Variants in PHF14 observed in about 807,000 individuals in gnomAD.
The protein encoded by PHF14 is PHD finger protein 14.
In PHF14, 55 loss-of-function variants were observed where a neutral mutation model predicts 117.9. The observed-to-expected ratio is 0.47, with a 90% CI of 0.38 to 0.58. PHF14 has a LOEUF of 0.58. Among genes scored for constraint, PHF14 ranks in the 20% least tolerant of loss-of-function variants. The pLI is 0.00. For missense variants in PHF14, 978 were observed against 1,122.2 expected, an observed-to-expected ratio of 0.87 and a Z score of 1.84; for synonymous variants, 409 against 368.6, an observed-to-expected ratio of 1.11 and a Z score of -1.26.
chr7:11,009,930 C>T (rs899984325), intron 4 of PHF14, among the ~76,000 whole-genome samples: 11 of 152,082 alleles, frequency 7.2e-5, no homozygotes, highest in African/African-American at 2.4e-4. Flanking sequence ...CAAATGTGCA[C>T]GTTTGCTATG....
intron 2 of PHF14, among the ~76,000 whole-genome samples, chr7:10,978,784 C>G (rs975033609): frequency 2.0e-5 from 3 of 152,106 alleles, no homozygotes. Context: ...ACTATTGTTT[C>G]CAGACATTGC....
At chr7:11,027,360 T>G (rs1233401445) in intron 6 of PHF14, among the ~76,000 whole-genome samples, 2 of 152,134 alleles carry the variant, frequency 1.3e-5, no homozygotes, top group African/African-American at 4.8e-5. Flanking sequence ...TTTTTAAGTT[T>G]TCCTTGTATT....
At chr7:11,031,145 A>G (rs1021183572) in intron 7 of PHF14, among the ~76,000 whole-genome samples, 1 of 152,144 alleles carries the variant, frequency 6.6e-6, no homozygotes, top group Non-Finnish European at 1.5e-5. Context: ...AAAAGACTAT[A>G]TCAAGTTGGA....
At chr7:11,148,635 T>A (rs569181949) in intron 17 of PHF14, among the ~76,000 whole-genome samples, 29 of 152,312 alleles carry the variant, frequency 1.9e-4, no homozygotes, top group African/African-American at 6.5e-4. Flanking sequence ...TTGAAGGCCA[T>A]GAGGACGATA....
chr7:11,024,303 A>T (rs915102049), intron 6 of PHF14, among the ~76,000 whole-genome samples: 4 of 152,226 alleles, frequency 2.6e-5, no homozygotes, highest in African/African-American at 9.6e-5. Context: ...TCTCCGTAAT[A>T]TAAAAGATGA....
At chr7:11,053,740 A>G (rs1784922538) in intron 14 of PHF14, among the ~76,000 whole-genome samples, 1 of 152,118 alleles carries the variant, frequency 6.6e-6, no homozygotes, top group Non-Finnish European at 1.5e-5. Context: ...ATTACTTGAG[A>G]TAAAAGAGAA....
intron 16 of PHF14, among the ~76,000 whole-genome samples, chr7:11,068,349 C>CAA (rs10659513): frequency 0.43 from 28,452 of 66,204 alleles, 6,002 homozygotes; most frequent in East Asian, 0.68. Context: ...GACTCCGTCT[C>CAA]AAAAAAAAAA....
At chr7:11,091,150 G>A (rs923979958) in intron 16 of PHF14, among the ~76,000 whole-genome samples, 6 of 152,162 alleles carry the variant, frequency 3.9e-5, no homozygotes, top group Non-Finnish European at 7.3e-5. Flanking sequence ...ACCAGTTTGA[G>A]GGCTGTGAAC....
chr7:11,055,936 ACTTATT>A (rs913941994), intron 14 of PHF14, among the ~76,000 whole-genome samples: 14 of 152,142 alleles, frequency 9.2e-5, no homozygotes, highest in East Asian at 7.7e-4. Context: ...TATTTATTTT[ACTTATT>A]CTTATACTAA....
intron 16 of PHF14, among the ~76,000 whole-genome samples, chr7:11,064,306 C>T (rs1048490991): frequency 3.3e-5 from 5 of 150,918 alleles, no homozygotes; most frequent in African/African-American, 4.9e-5. Flanking sequence ...TTGAAAATCA[C>T]CCCCCAAAAG....
rs141335312 is a variant in PHF14 at position 11,159,169 on chromosome 7, T to G, written c.2773-10247T>G. ...TAATATTATTTTCCTTAAGAAAATTTGTTACCTTTCATTTTTTGAATATCT... is the reference window on the plus strand; with the variant it reads ...TAATATTATTTTCCTTAAGAAAATTGGTTACCTTTCATTTTTTGAATATCT... On this transcript the variant is annotated intron_variant, in intron 17 of 17. Transcript: ENST00000634607. 2.9e-3 allele frequency among the ~76,000 whole-genome samples: 442 copies of G among 152,200 alleles called. 3 individuals are homozygous for G. The highest frequency in any genetic ancestry group is 0.01 in the African/African-American group (418 of 41,576).
At chr7:11,060,583 C>T (rs1457062044) in intron 14 of PHF14, among the ~76,000 whole-genome samples, 2 of 152,158 alleles carry the variant, frequency 1.3e-5, no homozygotes, top group Non-Finnish European at 2.9e-5. Context: ...GCCTGAGATT[C>T]TGCATTTCTA....
At chr7:11,000,920 C>T (rs923735461) in intron 4 of PHF14, among the ~76,000 whole-genome samples, 1 of 151,986 alleles carries the variant, frequency 6.6e-6, no homozygotes, top group Non-Finnish European at 1.5e-5. Flanking sequence ...GGTCTTGTAT[C>T]TAAAAAGTCG....
intron 4 of PHF14, among the ~76,000 whole-genome samples, chr7:11,009,381 T>A (rs1047330613): frequency 1.3e-5 from 2 of 152,230 alleles, no homozygotes; most frequent in Admixed American, 1.3e-4. Flanking sequence ...TTTTATTTTC[T>A]TAAATATGAG....
At chr7:11,107,041 AT>A in intron 16 of PHF14, 1 of 983,858 alleles carries the variant, frequency 1.0e-6, no homozygotes, top group Non-Finnish European at 1.2e-6. Flanking sequence ...GCTATAAATT[AT>A]TTGCATAGGA....
chr7:10,993,878 A>G (rs1015849970), intron 4 of PHF14, among the ~76,000 whole-genome samples: 4 of 152,048 alleles, frequency 2.6e-5, no homozygotes, highest in African/African-American at 9.7e-5. Context: ...GCATGGTGGC[A>G]CGTGCCTGTA....
intron 17 of PHF14, among the ~76,000 whole-genome samples, chr7:11,123,526 A>G (rs1787834008): frequency 6.6e-6 from 1 of 152,190 alleles, no homozygotes; most frequent in Non-Finnish European, 1.5e-5. Flanking sequence ...TCACACCTGT[A>G]TTCCCAGTGC....
intron 4 of PHF14, among the ~76,000 whole-genome samples, chr7:10,997,782 G>T (rs1196889433): frequency 6.6e-6 from 1 of 152,224 alleles, no homozygotes; most frequent in Non-Finnish European, 1.5e-5. Flanking sequence ...AGGGCAGCTG[G>T]CTTCAGAGTA....
At chr7:11,120,803 TG>T (rs1372177017) in intron 17 of PHF14, among the ~76,000 whole-genome samples, 1 of 152,134 alleles carries the variant, frequency 6.6e-6, no homozygotes, top group Non-Finnish European at 1.5e-5. Flanking sequence ...ACTAAAGGTT[TG>T]TTTTGTTTAA....
Sources: allele counts gnomAD v4.1 joint callset (sites outside exome capture counted in the v4.1 genomes callset), GRCh38; gene constraint gnomAD v4.1.1; transcripts MANE v1.5; gene names NCBI Gene and HGNC (gene_info 2026-07-23, HGNC 2026-07-21).